The following LRP1 variants were observed in gnomAD, a reference collection of about 807,000 sequenced individuals.
LRP1 encodes the protein prolow-density lipoprotein receptor-related protein 1.
In LRP1, 51 loss-of-function variants were observed where a neutral mutation model predicts 541.5. That is an observed-to-expected ratio of 0.09 (90% CI 0.08 to 0.12). The LOEUF (loss-of-function observed/expected upper bound fraction) is 0.12. Ranked by LOEUF, LRP1 falls within the 10% of genes least tolerant of loss-of-function variation. The pLI, the probability that LRP1 is intolerant of heterozygous loss-of-function variation, is 1.00. For synonymous variants in LRP1, 2,219 were observed against 2,470.8 expected (o/e 0.90, Z 3.02); for missense variants, 3,878 against 6,376.2 (o/e 0.61, Z 13.34).
In LRP1 at chr12:57,167,507, A is replaced by G. The variant is rs775878421; in HGVS notation, c.2978A>G (p.Asn993Ser). The G allele has an allele frequency of 6.2e-7, 1 of 1,614,022 alleles. No homozygotes were observed. The highest frequency in any genetic ancestry group is 1.7e-4 in the Middle Eastern group (1 of 6,060). ...TCNNGRCINI[N>S]WRCDNDNDCG... ...AACAATGGCAGATGTATCAACATCA[A>G]CTGGAGATGCGACAATGGTAAGAGC... Residue 993 changes from asparagine (N) to serine (S), a missense_variant, in exon 19 of 89, where the codon AAC becomes AGC. Asn to Ser is a conservative substitution (Grantham distance 46). This residue lies in a region of LRP1 where 320 missense variants were observed against 547.9 expected (regional missense o/e 0.58). Coordinates refer to ENST00000243077, the MANE Select transcript of LRP1 (RefSeq NM_002332.3).
chr12:57,179,313 A>T lies in LRP1; in HGVS notation c.4739-16A>T. The T allele has an allele frequency of 6.3e-7, 1 of 1,593,754 alleles. No homozygotes were observed. The highest frequency in any genetic ancestry group is 1.1e-5 in the South Asian group (1 of 90,296). ...GAGGCAGGGACTGCCTTCAGTGACCAGCCCATGCCCCACAGAGTTTAAGAA... is the reference window on the plus strand; with the variant it reads ...GAGGCAGGGACTGCCTTCAGTGACCTGCCCATGCCCCACAGAGTTTAAGAA... On this transcript the variant is annotated splice_polypyrimidine_tract_variant and intron_variant, in intron 28 of 88. Coordinates refer to ENST00000243077, the MANE Select transcript of LRP1 (RefSeq NM_002332.3). This position sits in a 1 kb window ranked among gnomAD's most constrained non-coding sequence, Gnocchi z 6.8.
chr12:57,180,509 C>T (rs367797815), intron 32 of LRP1, 30 bp downstream of exon 32: 134 of 1,612,908 alleles, frequency 8.3e-5, no homozygotes, highest in African/African-American at 6.0e-4. Flanking sequence ...GCAGAGATGA[C>T]GCAGAGCAGG....
chr12:57,149,315 C>G (rs2035480285), intron 6 of LRP1: 1 of 443,284 alleles, frequency 2.3e-6, no homozygotes, highest in Non-Finnish European at 4.0e-6. Context: ...CTTCCCATTC[C>G]TGTTCTGAGT....
chr12:57,129,916 T>A (rs2035003031), intron 1 of LRP1, among the ~76,000 whole-genome samples: 1 of 152,072 alleles, frequency 6.6e-6, no homozygotes, highest in Non-Finnish European at 1.5e-5. Context: ...CCACACTCCT[T>A]TAGTAAATCT....
chr12:57,160,439 A>G (rs1185891512), intron 12 of LRP1, among the ~76,000 whole-genome samples: 1 of 151,718 alleles, frequency 6.6e-6, no homozygotes, highest in Admixed American at 6.6e-5. Context: ...TCAGCCTGGA[A>G]CTCCCAGATA....
intron 3 of LRP1, among the ~76,000 whole-genome samples, chr12:57,142,613 A>G (rs2035316476): frequency 6.6e-6 from 1 of 152,140 alleles, no homozygotes; most frequent in Admixed American, 6.5e-5. Context: ...CCTTTTGAGT[A>G]CCTTTACAGT....
intron 1 of LRP1, among the ~76,000 whole-genome samples, chr12:57,130,441 A>C (rs11610923): frequency 0.18 from 26,073 of 143,370 alleles, 2,487 homozygotes; most frequent in Middle Eastern, 0.27. Flanking sequence ...CCCACCAATT[A>C]GCTGCCCCGG....
rs144184848 is a variant in LRP1 at position 57,206,518 on chromosome 12, G to A, written c.11636G>A (p.Arg3879His). Residue 3879 changes from arginine (R) to histidine (H), a missense_variant, in exon 76 of 89, where the codon CGC (arginine) becomes CAC (histidine). Physicochemically the swap from Arg to His is conservative, Grantham distance 29. Coordinates refer to ENST00000243077, the MANE Select transcript of LRP1 (RefSeq NM_002332.3). This position sits in a 1 kb window ranked among gnomAD's most constrained non-coding sequence, Gnocchi z 4.7. Reference protein sequence around the residue: ...VLYIADDNEIRSLFPGHPHSA... With the variant: ...VLYIADDNEIHSLFPGHPHSA... ...TACATCGCTGATGACAATGAGATCC[G>A]CAGCCTGTTCCCCGGCCACCCCCAT... 2 of 1,613,972 alleles carry A rather than the reference G, an allele frequency of 1.2e-6. No individual in the cohort carries two copies. Among genetic ancestry groups the A allele is most frequent in the East Asian group, 2.2e-5 (1 of 44,892 alleles).
chr12:57,135,400 A>G (rs1004729179), intron 1 of LRP1, among the ~76,000 whole-genome samples: 1 of 152,142 alleles, frequency 6.6e-6, no homozygotes, highest in Non-Finnish European at 1.5e-5. Context: ...TTTCCCTCTA[A>G]GCAGATTATA....
intron 44 of LRP1, among the ~76,000 whole-genome samples, chr12:57,191,899 C>CACACA (rs1430324382): frequency 2.6e-5 from 1 of 38,322 alleles, no homozygotes; most frequent in African/African-American, 6.3e-5. Flanking sequence ...ACACATACCA[C>CACACA]ATACACACAC....
At chr12:57,171,228 G>A (rs1313786659) in intron 20 of LRP1, among the ~76,000 whole-genome samples, 1 of 152,226 alleles carries the variant, frequency 6.6e-6, no homozygotes, top group Non-Finnish European at 1.5e-5. Context: ...GCTGAGGTAT[G>A]TGAGGCCTGG....
intron 2 of LRP1, among the ~76,000 whole-genome samples, chr12:57,140,703 C>T (rs190382440): frequency 6.6e-6 from 1 of 152,228 alleles, no homozygotes; most frequent in Non-Finnish European, 1.5e-5. Context: ...CTGCCATGGA[C>T]CCTGCTTCCC....
chr12:57,151,399 G>GCC (rs1565720341), intron 6 of LRP1, among the ~76,000 whole-genome samples: 1 of 152,042 alleles, frequency 6.6e-6, no homozygotes, highest in Non-Finnish European at 1.5e-5. Flanking sequence ...GGAATCCCCT[G>GCC]CCCCTCTGCC....
At chr12:57,191,887 C>CATA (rs1340503915) in intron 44 of LRP1, among the ~76,000 whole-genome samples, 1 of 4,748 alleles carries the variant, frequency 2.1e-4, no homozygotes, top group Non-Finnish European at 4.9e-4. Flanking sequence ...CACACACACC[C>CATA]CACACATACC....
chr12:57,136,229 CA>C (rs1045319112), intron 1 of LRP1, among the ~76,000 whole-genome samples: 1 of 152,076 alleles, frequency 6.6e-6, no homozygotes, highest in Admixed American at 6.5e-5. Context: ...GGGTGGGGGC[CA>C]GGGGAGGGAG....
chr12:57,190,959 G>A lies in LRP1; in HGVS notation c.7186G>A (p.Ala2396Thr). ...HRAEKLYFSD[A>T]TLDKIERCEY... ...TGCCGAGAAGCTCTACTTCTCTGAC[G>A]CCACCCTGGACAAGATCGAGCGGTG... Residue 2396 changes from alanine to threonine, a missense_variant, in exon 43 of 89, where the codon GCC (alanine) becomes ACC (threonine). Physicochemically the swap from Ala to Thr is moderately conservative, Grantham distance 58. This residue lies in a region of LRP1 where 1,100 missense variants were observed against 1,827.4 expected (regional missense o/e 0.60). Coordinates refer to ENST00000243077, the MANE Select transcript of LRP1 (RefSeq NM_002332.3). 1.2e-6 allele frequency: 2 copies of A among 1,612,986 alleles called. No homozygotes were observed. The highest frequency in any genetic ancestry group is 1.7e-6 in the Non-Finnish European group (2 of 1,179,984).
In LRP1 at chr12:57,211,595, T is replaced by C; in HGVS notation, c.13193+7T>C. ...AAATGATGCCTGAGTGCCAGTGAGT[T>C]GGGCCCGGGCTTCACCCAGGCATAG... On this transcript the variant is annotated splice_region_variant and intron_variant, in intron 85 of 88. Coordinates refer to ENST00000243077, the MANE Select transcript of LRP1 (RefSeq NM_002332.3). This position sits in a 1 kb window ranked among gnomAD's most constrained non-coding sequence, Gnocchi z 4.3. 1 of 1,613,896 alleles carries C rather than the reference T, an allele frequency of 6.2e-7. No homozygotes were observed. Among genetic ancestry groups the C allele is most frequent in the Non-Finnish European group, 8.5e-7 (1 of 1,179,826 alleles).
At position 57,143,417 on chromosome 12, in the gene LRP1, A is replaced by T. The variant is rs534496427; in HGVS notation, c.329-262A>T. ...AACCCCTCTCCATGGGGACAGAGGTAGCCCAGAACATCCAGAACAGAGACA... is the reference window on the plus strand; with the variant it reads ...AACCCCTCTCCATGGGGACAGAGGTTGCCCAGAACATCCAGAACAGAGACA... On this transcript the variant is annotated intron_variant, in intron 3 of 88. Transcript: ENST00000243077. Among the ~76,000 whole-genome samples the T allele has an allele frequency of 2.4e-4, 36 of 152,342 alleles. No homozygotes were observed. In the South Asian group the frequency reaches 2.5e-3, roughly 11 times the overall value.
In LRP1 at chr12:57,196,165, A is replaced by C. The variant is rs2036528346; in HGVS notation, c.8780A>C (p.Gln2927Pro). 6.2e-7 allele frequency: 1 copy of C among 1,612,854 alleles called. No individual in the cohort carries two copies. Among genetic ancestry groups the C allele is most frequent in the African/African-American group, 1.3e-5 (1 of 74,936 alleles). Reference protein sequence around the residue: ...CVAEALLCNGQDDCGDSSDER... With the variant: ...CVAEALLCNGPDDCGDSSDER... ...GCTGAGGCACTGCTCTGCAACGGCC[A>C]GGATGACTGTGGCGACAGCTCGGAC... The change falls in exon 55 of 89, where the codon CAG becomes CCG. Residue 2927 changes from glutamine to proline, a missense_variant. Gln to Pro is a moderately conservative substitution (Grantham distance 76). Transcript: ENST00000243077.
Sources: gnomAD v4.1 joint callset for allele counts (sites outside exome capture counted in the v4.1 genomes callset) on GRCh38, gnomAD v4.1.1 for gene constraint, gnomAD v4.1.1 regional missense constraint, Gnocchi (gnomAD v3.1) non-coding constraint, MANE v1.5 for transcripts, NCBI Gene and HGNC (gene_info 2026-07-23, HGNC 2026-07-21) for gene names.